Variants in AGBL4 observed in about 807,000 individuals in gnomAD.
The protein encoded by AGBL4 is cytosolic carboxypeptidase 6.
A neutral mutation model predicts 66.4 loss-of-function variants in AGBL4; 58 were observed. That is an observed-to-expected ratio of 0.87 (90% confidence interval 0.71 to 1.09). AGBL4 has a LOEUF of 1.09. Among genes scored for constraint, AGBL4 ranks in the 50% least tolerant of loss-of-function variants. The pLI, the probability that AGBL4 is intolerant of heterozygous loss-of-function variation, is 0.00. For synonymous variants in AGBL4, 234 were observed against 222.9 expected (o/e 1.05, Z -0.44); for missense variants, 579 against 631.0 (o/e 0.92, Z 0.88).
intron 11 of AGBL4, among the ~76,000 whole-genome samples, chr1:48,574,418 C>T (rs1053730109): frequency 1.3e-5 from 2 of 152,128 alleles, no homozygotes; most frequent in Middle Eastern, 3.4e-3. Context: ...ATGATGGTTC[C>T]GAATACACTT....
At chr1:49,043,298 T>C (rs1352838671) in intron 5 of AGBL4, among the ~76,000 whole-genome samples, 2 of 152,122 alleles carry the variant, frequency 1.3e-5, no homozygotes, top group Non-Finnish European at 2.9e-5. Context: ...TCTGGTTGTG[T>C]TGGCCAATAT....
chr1:49,562,581 C>G (rs1228717400), intron 3 of AGBL4, among the ~76,000 whole-genome samples: 1 of 152,072 alleles, frequency 6.6e-6, no homozygotes, highest in Non-Finnish European at 1.5e-5. Context: ...TTCCCCCTTG[C>G]TTGTTTTTGT....
intron 3 of AGBL4, among the ~76,000 whole-genome samples, chr1:49,582,345 G>A (rs1044136372): frequency 1.2e-4 from 19 of 152,090 alleles, no homozygotes; most frequent in Admixed American, 3.3e-4. Context: ...TGGGATCCTG[G>A]TCCCAGCTGT....
At chr1:49,362,137 G>A (rs767881854) in intron 3 of AGBL4, among the ~76,000 whole-genome samples, 7 of 152,038 alleles carry the variant, frequency 4.6e-5, no homozygotes, top group South Asian at 4.2e-4. Context: ...GATCTCATAT[G>A]AATGTTGTTG....
chr1:48,761,182 C>A lies in AGBL4; in HGVS notation c.635-97941G>T, dbSNP rs139149288. On this transcript the variant is annotated intron_variant, in intron 6 of 13. Transcript: ENST00000371839. ...AGTTGGCCAGCAAGGCAAATACACA[C>A]GAGTTGTCCCACGCTTTCACTACCC... is the stretch of plus-strand genomic sequence containing the variant. The A allele has an allele frequency of 4.2e-4, 340 of 816,038 alleles. 1 individual carries two copies. The African/African-American group carries it at 5.1e-3, about 12-fold the overall frequency. The allele number at this position is 816,038 out of a possible 1,614,324, so 50.5% of individuals were successfully genotyped here.
chr1:49,778,205 C>T (rs1644245984), intron 2 of AGBL4, among the ~76,000 whole-genome samples: 1 of 152,150 alleles, frequency 6.6e-6, no homozygotes, highest in Non-Finnish European at 1.5e-5. Flanking sequence ...CCCCAGCTAC[C>T]TTATAGGGTG....
chr1:48,869,817 T>C (rs1177348429), intron 5 of AGBL4, among the ~76,000 whole-genome samples: 1 of 152,066 alleles, frequency 6.6e-6, no homozygotes, highest in Admixed American at 6.6e-5. Flanking sequence ...TTTTCAACTA[T>C]CCTCTCACAT....
intron 3 of AGBL4, among the ~76,000 whole-genome samples, chr1:49,506,301 T>C (rs1648679740): frequency 6.6e-6 from 1 of 152,042 alleles, no homozygotes; most frequent in South Asian, 2.1e-4. Flanking sequence ...ATTAGAAAAA[T>C]GTAACATATA....
intron 2 of AGBL4, among the ~76,000 whole-genome samples, chr1:49,787,528 C>T (rs1035902683): frequency 2.6e-5 from 4 of 151,324 alleles, no homozygotes; most frequent in Non-Finnish European, 4.4e-5. Context: ...AAATTGAAAC[C>T]AACCCCAGAC....
In AGBL4 at chr1:49,966,757, A is replaced by G. The variant is rs538307544; in HGVS notation, c.34+57006T>C. Among the ~76,000 whole-genome samples, 6 of 152,316 alleles carry G rather than the reference A, an allele frequency of 3.9e-5. No homozygotes were observed. In the East Asian group the frequency reaches 1.2e-3, roughly 29 times the overall value. ...ACTAGCACAAAGTAACCACTCAGTA[A>G]GTATTAACTATTATCATAAAGCCTT... On this transcript the variant is annotated intron_variant, in intron 1 of 13. Transcript: ENST00000371839.
chr1:48,898,044 C>A (rs1232240713), intron 5 of AGBL4, among the ~76,000 whole-genome samples: 11 of 152,092 alleles, frequency 7.2e-5, no homozygotes, highest in African/African-American at 2.7e-4. Context: ...ATCTCTTGAC[C>A]TCATGATCTG....
At chr1:49,377,464 C>T (rs1490135264) in intron 3 of AGBL4, among the ~76,000 whole-genome samples, 2 of 152,106 alleles carry the variant, frequency 1.3e-5, no homozygotes, top group South Asian at 2.1e-4. Flanking sequence ...CTATGACTGT[C>T]TGGCTTTAAG....
chr1:49,580,038 A>G (rs1375407729), intron 3 of AGBL4, among the ~76,000 whole-genome samples: 2 of 152,122 alleles, frequency 1.3e-5, no homozygotes, highest in Non-Finnish European at 2.9e-5. Flanking sequence ...CTCACGCTCA[A>G]TTGATCCCTG....
At chr1:48,992,214 G>A (rs923297787) in intron 5 of AGBL4, among the ~76,000 whole-genome samples, 14 of 151,688 alleles carry the variant, frequency 9.2e-5, no homozygotes, top group African/African-American at 3.1e-4. Flanking sequence ...GCATTAAGGG[G>A]CACCCCAAAA....
chr1:49,237,491 C>A (rs1472181979), intron 4 of AGBL4, among the ~76,000 whole-genome samples: 2 of 144,884 alleles, frequency 1.4e-5, no homozygotes, highest in Non-Finnish European at 3.0e-5. Context: ...GTCACTCATC[C>A]TTTTTTTCCT....
intron 1 of AGBL4, among the ~76,000 whole-genome samples, chr1:49,882,209 A>G (rs1386791776): frequency 9.8e-4 from 146 of 149,664 alleles, no homozygotes; most frequent in East Asian, 4.9e-3. Flanking sequence ...GATATGCGGC[A>G]TTATTTCTGA....
At chr1:49,778,888 G>C (rs1173594875) in intron 2 of AGBL4, among the ~76,000 whole-genome samples, 1 of 152,110 alleles carries the variant, frequency 6.6e-6, no homozygotes, top group East Asian at 1.9e-4. Flanking sequence ...TATACTATAA[G>C]CCCAATCTCC....
chr1:49,833,209 T>C (rs1645746700), intron 2 of AGBL4, among the ~76,000 whole-genome samples: 1 of 152,252 alleles, frequency 6.6e-6, no homozygotes, highest in Non-Finnish European at 1.5e-5. Context: ...GCTTTCTACA[T>C]ATGGCTAGCC....
intron 1 of AGBL4, among the ~76,000 whole-genome samples, chr1:49,979,271 C>T (rs919010229): frequency 1.1e-4 from 17 of 151,118 alleles, no homozygotes; most frequent in African/African-American, 4.1e-4. Context: ...ACCATCCTGG[C>T]TAACAAGGTG....
Sources: allele counts gnomAD v4.1 joint callset (sites outside exome capture counted in the v4.1 genomes callset), GRCh38; gene constraint gnomAD v4.1.1; transcripts MANE v1.5; gene names NCBI Gene and HGNC (gene_info 2026-07-23, HGNC 2026-07-21).